Variants in RPS6KA2 observed in about 807,000 individuals in gnomAD.
RPS6KA2 encodes the protein ribosomal protein S6 kinase alpha-2.
Under a neutral mutation model 91.8 loss-of-function variants are expected in RPS6KA2, and 42 were observed. The ratio of observed to expected loss-of-function variants is 0.46; its 90% CI spans 0.36 to 0.59. The LOEUF (loss-of-function observed/expected upper bound fraction) is 0.59, where lower values mean the gene tolerates loss of function less well. RPS6KA2 is among the 20% of genes least tolerant of loss of function. The pLI is 0.00. For missense variants in RPS6KA2, 798 were observed against 978.5 expected, an observed-to-expected ratio of 0.82 and a Z score of 2.46; for synonymous variants, 414 against 393.6, an observed-to-expected ratio of 1.05 and a Z score of -0.61.
intron 3 of RPS6KA2, among the ~76,000 whole-genome samples, chr6:166,529,782 C>T (rs1783201202): frequency 6.6e-6 from 1 of 152,192 alleles, no homozygotes; most frequent in Admixed American, 6.5e-5. Context: ...GGGCCAGGAT[C>T]TGTGTTTGTA....
chr6:166,627,702 A>C (rs1441267653), upstream of RPS6KA2: 1 of 152,216 alleles, frequency 6.6e-6, no homozygotes. Flanking sequence ...GGAGCCGCGC[A>C]GTCGCGGGCG....
intron 1 of RPS6KA2, among the ~76,000 whole-genome samples, chr6:166,625,690 T>C (rs1562350336): frequency 6.6e-6 from 1 of 152,282 alleles, no homozygotes; most frequent in South Asian, 2.1e-4. Context: ...CCCAGGAAAA[T>C]GATTTGCCTC....
intron 10 of RPS6KA2, among the ~76,000 whole-genome samples, chr6:166,483,161 T>G (rs1781293570): frequency 6.6e-6 from 1 of 152,150 alleles, no homozygotes; most frequent in Non-Finnish European, 1.5e-5. Context: ...ACCTGGGACG[T>G]CTATGTGTGT....
chr6:166,615,840 G>C (rs1359510023), intron 1 of RPS6KA2, among the ~76,000 whole-genome samples: 1 of 152,160 alleles, frequency 6.6e-6, no homozygotes, highest in African/African-American at 2.4e-5. Context: ...TTGAGGACTT[G>C]CCCACTCAGC....
At chr6:166,699,870 A>T (rs1789459904) in intron 2 of RPS6KA2, among the ~76,000 whole-genome samples, 1 of 152,204 alleles carries the variant, frequency 6.6e-6, no homozygotes, top group Admixed American at 6.5e-5. Context: ...TTTTTAATTT[A>T]TCAGTGCTTA....
At chr6:166,839,680 C>G (rs868212756) in intron 2 of RPS6KA2, among the ~76,000 whole-genome samples, 2 of 708 alleles carry the variant, frequency 2.8e-3, no homozygotes, top group Non-Finnish European at 5.7e-3. Flanking sequence ...GAAATCAGAG[C>G]AGGAGAGGAG....
At position 166,498,527 on chromosome 6, in the gene RPS6KA2, C is replaced by G. The variant is rs1455025827; in HGVS notation, c.728G>C (p.Trp243Ser). 6.2e-7 allele frequency: 1 copy of G among 1,611,690 alleles called. No homozygotes were observed. ...RRGHTQSADWWSFGVLMFEML... is the reference protein window; with the variant it reads ...RRGHTQSADWSSFGVLMFEML... Reference sequence around the variant, plus strand: ...GCTCACCATGAGCACGCCGAAGGACCACCAGTCGGCACTCTGCGTGTGTCC... The same window carrying G: ...GCTCACCATGAGCACGCCGAAGGACGACCAGTCGGCACTCTGCGTGTGTCC... The change falls in exon 8 of 21, where the codon TGG becomes TCG. Residue 243 changes from tryptophan (W) to serine (S), a missense_variant. By Grantham distance (177) the Trp-to-Ser change is radical. Transcript: ENST00000265678.
At chr6:166,625,740 CA>C (rs1289949686) in intron 1 of RPS6KA2, among the ~76,000 whole-genome samples, 1 of 152,158 alleles carries the variant, frequency 6.6e-6, no homozygotes, top group East Asian at 1.9e-4. Context: ...GACTTAAAAG[CA>C]AGCCCTCCTC....
At chr6:166,795,537 T>G (rs754224622) in intron 2 of RPS6KA2, among the ~76,000 whole-genome samples, 2 of 152,206 alleles carry the variant, frequency 1.3e-5, no homozygotes, top group Non-Finnish European at 2.9e-5. Context: ...ACCAGATCCT[T>G]CATTCTCTAA....
intron 1 of RPS6KA2, among the ~76,000 whole-genome samples, chr6:166,558,568 C>T (rs1358487064): frequency 1.3e-5 from 2 of 152,194 alleles, no homozygotes; most frequent in Non-Finnish European, 2.9e-5. Context: ...ACACTCAAGG[C>T]TGGGCTGGGG....
chr6:166,693,989 A>T (rs1789288631), intron 2 of RPS6KA2, among the ~76,000 whole-genome samples: 1 of 152,236 alleles, frequency 6.6e-6, no homozygotes, highest in African/African-American at 2.4e-5. Context: ...CCATTCTGTT[A>T]AATGACAAAA....
intron 2 of RPS6KA2, among the ~76,000 whole-genome samples, chr6:166,768,827 A>G (rs1778389903): frequency 6.6e-6 from 1 of 152,090 alleles, no homozygotes; most frequent in African/African-American, 2.4e-5. Flanking sequence ...ATCTGGAAAC[A>G]CTGCCAGGAG....
upstream of RPS6KA2, chr6:166,627,363 C>A: frequency 2.8e-6 from 1 of 354,278 alleles, no homozygotes; most frequent in Non-Finnish European, 4.0e-6. Flanking sequence ...CGCCCCGCCC[C>A]GCCACTACGG....
At chr6:166,793,500 CT>C (rs1257351952) in intron 2 of RPS6KA2, among the ~76,000 whole-genome samples, 1 of 149,380 alleles carries the variant, frequency 6.7e-6, no homozygotes, top group Non-Finnish European at 1.5e-5. Flanking sequence ...TTGGAAAAAA[CT>C]ACTTTAAAGT....
intron 2 of RPS6KA2, among the ~76,000 whole-genome samples, chr6:166,640,780 C>T (rs552454574): frequency 1.3e-5 from 2 of 151,070 alleles, no homozygotes; most frequent in Admixed American, 1.3e-4. Flanking sequence ...TCTCTGCCAT[C>T]TAGACCAGAG....
At chr6:166,674,194 A>AT (rs1307016821) in intron 2 of RPS6KA2, among the ~76,000 whole-genome samples, 21 of 152,262 alleles carry the variant, frequency 1.4e-4, no homozygotes, top group Non-Finnish European at 2.4e-4. Flanking sequence ...TAAATAGATT[A>AT]TTTTTAAAAA....
intron 2 of RPS6KA2, among the ~76,000 whole-genome samples, chr6:166,824,167 G>A (rs1030428780): frequency 1.1e-4 from 17 of 152,168 alleles, no homozygotes; most frequent in African/African-American, 3.6e-4. Flanking sequence ...TTGCACCCAC[G>A]AGAAACTCCT....
chr6:166,599,755 C>T (rs9356494), intron 1 of RPS6KA2, among the ~76,000 whole-genome samples: 2 of 152,072 alleles, frequency 1.3e-5, no homozygotes, highest in South Asian at 2.1e-4. Flanking sequence ...GCCCAATATG[C>T]GCTCAGTAAT....
rs1035446790 is a variant in RPS6KA2 at position 166,461,781 on chromosome 6, C to T, written c.973-2230G>A. On this transcript the variant is annotated intron_variant, in intron 11 of 20. Coordinates refer to ENST00000265678, the MANE Select transcript of RPS6KA2 (RefSeq NM_021135.6). Reference sequence around the variant, plus strand: ...AGTGTTTACCTCCGGAAAGCAGGGGCCCACATGGCCCCTCTAGCTCCTCTC... The same window carrying T: ...AGTGTTTACCTCCGGAAAGCAGGGGTCCACATGGCCCCTCTAGCTCCTCTC... Among the ~76,000 whole-genome samples the T allele has an allele frequency of 2.0e-5, 3 of 152,332 alleles. 1 individual carries two copies. In the East Asian group the frequency reaches 5.8e-4, roughly 29 times the overall value.
Sources: gnomAD v4.1 joint callset for allele counts (sites outside exome capture counted in the v4.1 genomes callset) on GRCh38, gnomAD v4.1.1 for gene constraint, MANE v1.5 for transcripts, NCBI Gene and HGNC (gene_info 2026-07-23, HGNC 2026-07-21) for gene names.